The following HTR1F variants were observed in gnomAD, a reference collection of about 807,000 sequenced individuals.
HTR1F encodes the protein 5-hydroxytryptamine receptor 1F.
HTR1F carries 17 observed loss-of-function variants against 24.0 expected under a neutral mutation model. The observed-to-expected ratio is 0.71, with a 90% confidence interval of 0.48 to 1.06. HTR1F has a LOEUF of 1.06. Ranked by LOEUF, HTR1F falls within the 50% of genes least tolerant of loss-of-function variation. HTR1F has a pLI of 0.00. For missense variants in HTR1F, 391 were observed against 427.8 expected, an observed-to-expected ratio of 0.91 and a Z score of 0.76; for synonymous variants, 186 against 156.8, an observed-to-expected ratio of 1.19 and a Z score of -1.39.
chr3:87,821,241 A>G (rs1168563147), intron 1 of HTR1F, among the ~76,000 whole-genome samples: 1 of 152,214 alleles, frequency 6.6e-6, no homozygotes. Flanking sequence ...AAAGAATTTC[A>G]GAAACCCATA....
chr3:87,947,806 TTA>T (rs1320241741), intron 2 of HTR1F, among the ~76,000 whole-genome samples: 117 of 149,236 alleles, frequency 7.8e-4, no homozygotes, highest in African/African-American at 2.1e-3. Context: ...TATATAACTA[TTA>T]TGTTTATTGA....
rs192040186 is a variant in HTR1F, at chr3:87,800,161, T to C, written c.-160+7319T>C. ...ATATTGTCACCAAATTAACTTTAGGTATTAGTTCTGTCTCATGCTTAAAAT... is the reference window on the plus strand; with the variant it reads ...ATATTGTCACCAAATTAACTTTAGGCATTAGTTCTGTCTCATGCTTAAAAT... On this transcript the variant is annotated intron_variant, in intron 1 of 2. Coordinates refer to ENST00000319595, the MANE Select transcript of HTR1F (RefSeq NM_001322209.2). Among the ~76,000 whole-genome samples the C allele has an allele frequency of 2.6e-5, 4 of 152,266 alleles. No individual in the cohort carries two copies. In the South Asian group the frequency reaches 6.2e-4, roughly 24 times the overall value.
chr3:87,872,839 C>G (rs1387872458), intron 2 of HTR1F, among the ~76,000 whole-genome samples: 1 of 152,032 alleles, frequency 6.6e-6, no homozygotes, highest in Non-Finnish European at 1.5e-5. Flanking sequence ...TAGATGGCTT[C>G]ACAGGACAAC....
At chr3:87,866,836 G>C (rs1469932726) in intron 2 of HTR1F, among the ~76,000 whole-genome samples, 11 of 150,344 alleles carry the variant, frequency 7.3e-5, no homozygotes, top group African/African-American at 2.5e-4. Flanking sequence ...GTGTGTGTGT[G>C]TGTGTGTGTG....
intron 2 of HTR1F, among the ~76,000 whole-genome samples, chr3:87,898,482 A>C (rs759547168): frequency 8.5e-5 from 13 of 152,184 alleles, no homozygotes; most frequent in Non-Finnish European, 1.9e-4. Context: ...AAATCATCAT[A>C]ATTCATGCCT....
chr3:87,836,097 C>CA (rs1408346340), intron 2 of HTR1F, among the ~76,000 whole-genome samples: 1 of 152,158 alleles, frequency 6.6e-6, no homozygotes, highest in Non-Finnish European at 1.5e-5. Context: ...TTATTATCTG[C>CA]AAAGTGGTGA....
At chr3:87,897,802 CCA>C (rs917569461) in intron 2 of HTR1F, among the ~76,000 whole-genome samples, 1 of 152,050 alleles carries the variant, frequency 6.6e-6, no homozygotes, top group African/African-American at 2.4e-5. Flanking sequence ...TCCTATCTTC[CCA>C]CAGTGTCCTG....
intron 2 of HTR1F, among the ~76,000 whole-genome samples, chr3:87,957,147 G>GT (rs1172744505): frequency 4.0e-5 from 6 of 151,196 alleles, no homozygotes; most frequent in Non-Finnish European, 8.9e-5. Context: ...TTTTCTAAGA[G>GT]TTTTTATCAG....
chr3:87,917,071 C>T (rs1186900727), intron 2 of HTR1F, among the ~76,000 whole-genome samples: 3 of 151,930 alleles, frequency 2.0e-5, no homozygotes, highest in African/African-American at 7.2e-5. Flanking sequence ...CCTCCAAAAC[C>T]ATGCAAATAC....
intron 2 of HTR1F, among the ~76,000 whole-genome samples, chr3:87,862,569 A>G (rs1232876019): frequency 6.6e-6 from 1 of 152,144 alleles, no homozygotes; most frequent in Non-Finnish European, 1.5e-5. Flanking sequence ...TTCAAGACCA[A>G]TGCATGGATC....
chr3:87,844,262 G>A (rs1420966416), intron 2 of HTR1F, among the ~76,000 whole-genome samples: 8 of 151,400 alleles, frequency 5.3e-5, no homozygotes, highest in African/African-American at 9.8e-5. Flanking sequence ...TTTGATTTGC[G>A]TTTCTCTGAT....
At chr3:87,948,460 C>G (rs1704760777) in intron 2 of HTR1F, among the ~76,000 whole-genome samples, 1 of 151,966 alleles carries the variant, frequency 6.6e-6, no homozygotes, top group African/African-American at 2.4e-5. Context: ...TTTCAATTCT[C>G]CTGGCAGCTA....
At chr3:87,894,825 ACTG>A (rs1331185042) in intron 2 of HTR1F, among the ~76,000 whole-genome samples, 1 of 151,934 alleles carries the variant, frequency 6.6e-6, no homozygotes, top group African/African-American at 2.4e-5. Context: ...TGCTGAGAAA[ACTG>A]CTGAGAAAAG....
At chr3:87,959,956 A>T (rs148619756) in intron 2 of HTR1F, among the ~76,000 whole-genome samples, 1 of 152,008 alleles carries the variant, frequency 6.6e-6, no homozygotes, top group Non-Finnish European at 1.5e-5. Flanking sequence ...TTCAGCAGCT[A>T]TTCAAAAAGT....
At chr3:87,930,517 C>G (rs1215980602) in intron 2 of HTR1F, among the ~76,000 whole-genome samples, 1 of 152,122 alleles carries the variant, frequency 6.6e-6, no homozygotes, top group Admixed American at 6.6e-5. Flanking sequence ...TTATCAAAAA[C>G]CTTTTCTGCA....
intron 2 of HTR1F, among the ~76,000 whole-genome samples, chr3:87,831,140 C>A (rs940273656): frequency 6.6e-6 from 1 of 151,520 alleles, no homozygotes; most frequent in Non-Finnish European, 1.5e-5. Flanking sequence ...TCTAAGTATA[C>A]CCTAAATAAC....
chr3:87,958,046 T>C (rs1704981611), intron 2 of HTR1F, among the ~76,000 whole-genome samples: 1 of 151,492 alleles, frequency 6.6e-6, no homozygotes, highest in South Asian at 2.1e-4. Context: ...AATAGTTTAG[T>C]TGTCTCCCAA....
rs1239102551 is a variant in HTR1F at position 87,841,957 on chromosome 3, C to T, written c.-43+19833C>T. 3.4e-5 allele frequency among the ~76,000 whole-genome samples: 5 copies of T among 147,676 alleles called. No individual in the cohort carries two copies. In the East Asian group the frequency reaches 5.9e-4, roughly 17 times the overall value. On this transcript the variant is annotated intron_variant, in intron 2 of 2. Coordinates refer to ENST00000319595, the MANE Select transcript of HTR1F (RefSeq NM_001322209.2). ...AAAAAAACTAAACTAACATAAATTT[C>T]GTCTTTTGAAGATTTCCCAAGAGCT...
chr3:87,988,650 T>C (rs2107524339), intron 2 of HTR1F, among the ~76,000 whole-genome samples: 1 of 152,236 alleles, frequency 6.6e-6, no homozygotes, highest in Middle Eastern at 3.4e-3. Context: ...GTGGCACGAT[T>C]TTGGCTCACT....
Sources: gnomAD v4.1 joint callset for allele counts (sites outside exome capture counted in the v4.1 genomes callset) on GRCh38, gnomAD v4.1.1 for gene constraint, MANE v1.5 for transcripts, NCBI Gene and HGNC (gene_info 2026-07-23, HGNC 2026-07-21) for gene names.